GDAP1: variants seen among roughly 807,000 people sequenced by gnomAD.
The protein encoded by GDAP1 is ganglioside induced differentiation associated protein 1, also known as ganglioside-induced differentiation-associated protein 1.
A neutral mutation model predicts 40.1 loss-of-function variants in GDAP1; 34 were observed. That is an observed-to-expected ratio of 0.85 (90% CI 0.64 to 1.13). The LOEUF (loss-of-function observed/expected upper bound fraction) is 1.13. Among genes scored for constraint, GDAP1 ranks in the 50% most tolerant of loss-of-function variants. The pLI is 0.00. For synonymous variants in GDAP1, 170 were observed against 157.4 expected, an observed-to-expected ratio of 1.08 and a Z score of -0.60; for missense variants, 374 against 433.7, an observed-to-expected ratio of 0.86 and a Z score of 1.22.
intron 2 of GDAP1, among the ~76,000 whole-genome samples, chr8:74,390,714 C>T (rs1810095359): frequency 6.6e-6 from 1 of 152,178 alleles, no homozygotes; most frequent in Non-Finnish European, 1.5e-5. Flanking sequence ...GAGCGCTGTC[C>T]TAGGAGATCC....
At chr8:74,379,185 A>G (rs1410062627) in intron 2 of GDAP1, among the ~76,000 whole-genome samples, 1 of 40,458 alleles carries the variant, frequency 2.5e-5, no homozygotes, top group Admixed American at 2.5e-4. Context: ...ACTTTCAAAT[A>G]TGAGGGTTCC....
At chr8:74,362,095 A>C in intron 4 of GDAP1, 117 bp downstream of exon 4, 1 of 700,700 alleles carries the variant, frequency 1.4e-6, no homozygotes, top group African/African-American at 1.9e-5. Flanking sequence ...TCACCAGTAC[A>C]CATGTTACCT....
intron 2 of GDAP1, among the ~76,000 whole-genome samples, chr8:74,474,297 CT>C (rs561300270): frequency 1.0e-3 from 155 of 152,122 alleles, no homozygotes; most frequent in African/African-American, 3.7e-3. Flanking sequence ...TTTCTCTTGT[CT>C]GATTGTTCTG....
rs575147594 is a variant in GDAP1, at chr8:74,386,429, C to T, written c.165+35108C>T. ...TATGGCTAGCCTGTTTTCCCAACACCATTTATTAAATAGGGAATCCTTTCC... is the reference window on the plus strand; with the variant it reads ...TATGGCTAGCCTGTTTTCCCAACACTATTTATTAAATAGGGAATCCTTTCC... On this transcript the variant is annotated intron_variant, in intron 2 of 2. Coordinates refer to the GDAP1 transcript ENST00000523640. Among the ~76,000 whole-genome samples the T allele has an allele frequency of 2.0e-5, 3 of 152,262 alleles. No homozygotes were observed. In the East Asian group the frequency reaches 5.8e-4, roughly 29 times the overall value.
At chr8:74,472,637 G>T (rs1057510534) in intron 2 of GDAP1, among the ~76,000 whole-genome samples, 2 of 152,082 alleles carry the variant, frequency 1.3e-5, no homozygotes, top group African/African-American at 2.4e-5. Flanking sequence ...ATTCTGACTG[G>T]TGTGAGATGG....
intron 2 of GDAP1, among the ~76,000 whole-genome samples, chr8:74,400,706 A>G (rs756628219): frequency 8.7e-5 from 13 of 149,418 alleles, no homozygotes; most frequent in Middle Eastern, 3.4e-3. Context: ...GTTCCTTTCC[A>G]TGTTTAGTGC....
intron 2 of GDAP1, among the ~76,000 whole-genome samples, chr8:74,394,146 C>G (rs1270043551): frequency 6.6e-6 from 1 of 152,176 alleles, no homozygotes; most frequent in South Asian, 2.1e-4. Context: ...GAGCAAGTCA[C>G]GTCCTACGTG....
chr8:74,471,617 A>G (rs946118691), intron 2 of GDAP1, among the ~76,000 whole-genome samples: 1 of 152,102 alleles, frequency 6.6e-6, no homozygotes, highest in African/African-American at 2.4e-5. Context: ...TACTGGTGAG[A>G]CCATTACCAA....
chr8:74,360,003 G>C (rs1586802826), intron 2 of GDAP1, 134 bp from the exon 3 acceptor site: 2 of 716,722 alleles, frequency 2.8e-6, no homozygotes, highest in East Asian at 5.4e-5. Context: ...TGTCTGAGGT[G>C]AGGAGACAGT....
chr8:74,464,421 CCCT>C (rs1220331157), intron 2 of GDAP1, among the ~76,000 whole-genome samples: 1 of 152,068 alleles, frequency 6.6e-6, no homozygotes, highest in African/African-American at 2.4e-5. Context: ...TTCTGTAAGA[CCCT>C]AAGCAACAGC....
chr8:74,411,892 T>A lies in GDAP1; in HGVS notation c.165+60571T>A, dbSNP rs535869452. Among the ~76,000 whole-genome samples the A allele has an allele frequency of 2.5e-4, 38 of 149,320 alleles. 1 individual carries two copies. Among genetic ancestry groups the A allele is most frequent in the African/African-American group, 3.3e-4 (13 of 38,990 alleles). On this transcript the variant is annotated intron_variant, in intron 2 of 2. Transcript: ENST00000523640. Reference sequence around the variant, plus strand: ...GCAAGACCTTGTCTCAAAAAAAAAATAATAATAACTTATGAGATTATAACT... The same window carrying A: ...GCAAGACCTTGTCTCAAAAAAAAAAAAATAATAACTTATGAGATTATAACT...
chr8:74,378,148 T>C (rs1809889825), intron 2 of GDAP1, among the ~76,000 whole-genome samples: 1 of 152,152 alleles, frequency 6.6e-6, no homozygotes, highest in African/African-American at 2.4e-5. Flanking sequence ...TAATCTCATG[T>C]GATTATGTGA....
In GDAP1 at chr8:74,365,608, G is replaced by A. The variant is rs752340991; in HGVS notation, c.*1241G>A. The A allele has an allele frequency of 1.5e-5, 7 of 454,308 alleles. No individual in the cohort carries two copies. The highest frequency in any genetic ancestry group is 4.7e-5 in the Admixed American group (2 of 42,542). 28.1% of individuals were successfully genotyped at this position (454,308 alleles called of 1,614,324 possible). On this transcript the variant is annotated 3_prime_UTR_variant, in exon 6 of 6. Coordinates refer to ENST00000220822, the MANE Select transcript of GDAP1 (RefSeq NM_018972.4). The stretch of plus-strand genomic sequence containing the variant: ...GCAGGCATAGAGATGATGTGCCGAG[G>A]TCCCAGTGAACAACAGTAGCCAAAG...
chr8:74,401,458 A>ATT (rs1037320496), intron 2 of GDAP1, among the ~76,000 whole-genome samples: 1 of 148,510 alleles, frequency 6.7e-6, no homozygotes, highest in Non-Finnish European at 1.5e-5. Flanking sequence ...ATTCGTCTCT[A>ATT]TTTTTTTCAA....
intron 2 of GDAP1, among the ~76,000 whole-genome samples, chr8:74,422,399 G>GTC (rs1287483858): frequency 1.8e-4 from 12 of 66,810 alleles, no homozygotes; most frequent in African/African-American, 4.5e-4. Flanking sequence ...CCTTCCTTCT[G>GTC]TCTCTCTCTC....
intron 2 of GDAP1, among the ~76,000 whole-genome samples, chr8:74,464,894 G>T (rs1209452117): frequency 6.6e-6 from 1 of 152,056 alleles, no homozygotes; most frequent in Admixed American, 6.6e-5. Context: ...AAATTTAATT[G>T]TAAATAAGTA....
intron 2 of GDAP1, among the ~76,000 whole-genome samples, chr8:74,375,600 C>A (rs1425846383): frequency 6.6e-6 from 1 of 152,138 alleles, no homozygotes; most frequent in Non-Finnish European, 1.5e-5. Context: ...AAGGTAAAGA[C>A]ATTCAGGATA....
At chr8:74,381,550 G>T (rs1809953672) in intron 2 of GDAP1, among the ~76,000 whole-genome samples, 1 of 152,118 alleles carries the variant, frequency 6.6e-6, no homozygotes, top group African/African-American at 2.4e-5. Flanking sequence ...GGGGCCAGGA[G>T]TTCGAGACCA....
chr8:74,400,933 G>T (rs1810320173), intron 2 of GDAP1, among the ~76,000 whole-genome samples: 1 of 149,902 alleles, frequency 6.7e-6, no homozygotes, highest in Non-Finnish European at 1.5e-5. Flanking sequence ...CTGTTAGTCT[G>T]ATGGGCTTCC....
Sources: allele counts gnomAD v4.1 joint callset (sites outside exome capture counted in the v4.1 genomes callset), GRCh38; gene constraint gnomAD v4.1.1; transcripts MANE v1.5; gene names NCBI Gene and HGNC (gene_info 2026-07-23, HGNC 2026-07-21).